Variants in CFAP61 observed in about 807,000 individuals in gnomAD.
The protein encoded by CFAP61 is cilia and flagella associated protein 61.
CFAP61 carries 107 observed loss-of-function variants against 135.6 expected under a neutral mutation model. The ratio of observed to expected loss-of-function variants is 0.79; its 90% confidence interval spans 0.67 to 0.93. The LOEUF (loss-of-function observed/expected upper bound fraction) is 0.93. Among genes scored for constraint, CFAP61 ranks in the 40% least tolerant of loss-of-function variants. The pLI is 0.00. For synonymous variants in CFAP61, 575 were observed against 578.5 expected, an observed-to-expected ratio of 0.99 and a Z score of 0.09; for missense variants, 1,507 against 1,556.2, an observed-to-expected ratio of 0.97 and a Z score of 0.53.
At chr20:20,248,140 G>A (rs2050612250) in intron 19 of CFAP61, among the ~76,000 whole-genome samples, 2 of 152,134 alleles carry the variant, frequency 1.3e-5, no homozygotes, top group Non-Finnish European at 2.9e-5. Flanking sequence ...GTGGAACAGA[G>A]GAAAGTTACC....
At chr20:20,146,643 A>T (rs1470456245) in intron 9 of CFAP61, among the ~76,000 whole-genome samples, 1 of 152,210 alleles carries the variant, frequency 6.6e-6, no homozygotes, top group Non-Finnish European at 1.5e-5. Context: ...TAATATTGTA[A>T]CTTGCTTATA....
intron 2 of CFAP61, among the ~76,000 whole-genome samples, chr20:20,065,516 G>A (rs868394993): frequency 2.6e-5 from 4 of 151,396 alleles, no homozygotes; most frequent in South Asian, 4.2e-4. Context: ...CAAAACAGCT[G>A]CTACTAAGCC....
intron 8 of CFAP61, among the ~76,000 whole-genome samples, chr20:20,106,976 G>T (rs982434781): frequency 2.6e-5 from 4 of 152,168 alleles, no homozygotes; most frequent in Non-Finnish European, 4.4e-5. Flanking sequence ...CGGTGATAGG[G>T]GTGATTCAAG....
At chr20:20,224,242 A>G (rs2048581005) in intron 17 of CFAP61, among the ~76,000 whole-genome samples, 1 of 152,208 alleles carries the variant, frequency 6.6e-6, no homozygotes, top group South Asian at 2.1e-4. Context: ...CTCATAGGGA[A>G]TTATAGGTAA....
chr20:20,075,289 T>C (rs2045973278), intron 5 of CFAP61, 33 bp downstream of exon 5: 4 of 1,604,636 alleles, frequency 2.5e-6, no homozygotes, highest in East Asian at 2.2e-5. Context: ...TGGTCCCCGG[T>C]AGCAAACATT....
At chr20:20,301,458 A>G (rs1406698257) in intron 25 of CFAP61, among the ~76,000 whole-genome samples, 1 of 142,288 alleles carries the variant, frequency 7.0e-6, no homozygotes, top group Admixed American at 7.3e-5. Flanking sequence ...TAAGTGACAC[A>G]TGACTGTCGT....
chr20:20,059,618 AAAAAT>A (rs1004698598), intron 2 of CFAP61, among the ~76,000 whole-genome samples: 9 of 151,906 alleles, frequency 5.9e-5, no homozygotes, highest in Non-Finnish European at 7.4e-5. Context: ...ACTCCATCTA[AAAAAT>A]AAAATAAAAT....
chr20:20,132,678 G>C (rs1443170924), intron 8 of CFAP61, among the ~76,000 whole-genome samples: 1 of 151,854 alleles, frequency 6.6e-6, no homozygotes, highest in Non-Finnish European at 1.5e-5. Flanking sequence ...TAGATTTTAA[G>C]TCTATGTTAT....
intron 25 of CFAP61, among the ~76,000 whole-genome samples, chr20:20,309,751 C>G (rs1338454765): frequency 6.6e-6 from 1 of 152,104 alleles, no homozygotes; most frequent in Non-Finnish European, 1.5e-5. Flanking sequence ...ATTTTGCTCT[C>G]TGATAAAATA....
intron 18 of CFAP61, among the ~76,000 whole-genome samples, chr20:20,237,267 A>AGT (rs2049665850): frequency 6.6e-6 from 1 of 152,226 alleles, no homozygotes; most frequent in East Asian, 1.9e-4. Context: ...CTTCTACCTT[A>AGT]GTGTCGGGTC....
chr20:20,121,500 A>G (rs2049626460), intron 8 of CFAP61, among the ~76,000 whole-genome samples: 1 of 150,026 alleles, frequency 6.7e-6, no homozygotes, highest in African/African-American at 2.5e-5. Context: ...TAAAATTTTT[A>G]AATATATTTT....
chr20:20,162,702 A>G (rs553541459), intron 10 of CFAP61, among the ~76,000 whole-genome samples: 4 of 152,366 alleles, frequency 2.6e-5, no homozygotes, highest in Non-Finnish European at 5.9e-5. Flanking sequence ...AAGGAAGCTC[A>G]TATATTATCT....
chr20:20,298,344 T>C lies in CFAP61; in HGVS notation c.3380T>C (p.Leu1127Pro), dbSNP rs1316169018. The C allele has an allele frequency of 1.2e-6, 2 of 1,614,056 alleles. No homozygotes were observed. The highest frequency in any genetic ancestry group is 1.7e-6 in the Non-Finnish European group (2 of 1,180,040). The change falls in exon 25 of 27, where the codon CTG becomes CCG. Residue 1127 changes from leucine (L) to proline (P), a missense_variant. Leu to Pro is a moderately conservative substitution (Grantham distance 98). Coordinates refer to ENST00000245957, the MANE Select transcript of CFAP61 (RefSeq NM_015585.4). ...FGQHEQLLNN[L>P]CARYDENLIT... ...CAGCACGAGCAACTCCTCAACAACC[T>C]GTGTGCTCGGTACGATGAAAACCTG...
intron 17 of CFAP61, among the ~76,000 whole-genome samples, chr20:20,217,400 C>T (rs1418202875): frequency 2.6e-5 from 4 of 152,258 alleles, no homozygotes; most frequent in South Asian, 2.1e-4. Flanking sequence ...AAAATAGAGT[C>T]GCGCATGTTA....
At chr20:20,094,105 G>T (rs895771914) in intron 7 of CFAP61, among the ~76,000 whole-genome samples, 2 of 152,224 alleles carry the variant, frequency 1.3e-5, no homozygotes, top group Admixed American at 6.5e-5. Context: ...GTGGGTATTA[G>T]TTTCTGAAGG....
intron 2 of CFAP61, among the ~76,000 whole-genome samples, chr20:20,070,052 C>T (rs137944203): frequency 3.9e-5 from 6 of 152,260 alleles, no homozygotes; most frequent in Non-Finnish European, 7.4e-5. Flanking sequence ...TATATGCTGC[C>T]TTTAAGTGCC....
At chr20:20,360,066 T>C in intron 26 of CFAP61, 144 bp from the exon 27 acceptor site, 1 of 693,382 alleles carries the variant, frequency 1.4e-6, no homozygotes, top group Non-Finnish European at 2.5e-6. Flanking sequence ...TTTGCCACAA[T>C]TAAAAATAAA....
intron 24 of CFAP61, among the ~76,000 whole-genome samples, chr20:20,290,795 C>T (rs538242955): frequency 6.6e-6 from 1 of 152,284 alleles, no homozygotes; most frequent in African/African-American, 2.4e-5. Context: ...GTTTGCCAGG[C>T]AGACGAGTGT....
intron 26 of CFAP61, among the ~76,000 whole-genome samples, chr20:20,356,593 G>A (rs1430855963): frequency 8.1e-4 from 28 of 34,698 alleles, no homozygotes; most frequent in Non-Finnish European, 8.6e-4. Flanking sequence ...GGTCACACTG[G>A]GGAGGTGGTC....
Sources: allele counts gnomAD v4.1 joint callset (sites outside exome capture counted in the v4.1 genomes callset), GRCh38; gene constraint gnomAD v4.1.1; transcripts MANE v1.5; gene names NCBI Gene and HGNC (gene_info 2026-07-23, HGNC 2026-07-21).